Variants in PRKN observed in about 807,000 individuals in gnomAD.
PRKN encodes the protein parkin RBR E3 ubiquitin protein ligase.
A neutral mutation model predicts 59.5 loss-of-function variants in PRKN; 56 were observed. That is an observed-to-expected ratio of 0.94 (90% CI 0.76 to 1.18). The LOEUF (loss-of-function observed/expected upper bound fraction) is 1.18, where lower values mean the gene tolerates loss of function less well. Ranked by LOEUF, PRKN falls within the 50% of genes most tolerant of loss-of-function variation. PRKN has a pLI of 0.00. For missense variants in PRKN, 657 were observed against 596.4 expected, an observed-to-expected ratio of 1.10 and a Z score of -1.06; for synonymous variants, 250 against 222.1, an observed-to-expected ratio of 1.13 and a Z score of -1.12.
chr6:162,361,277 A>C (rs1036670307), intron 2 of PRKN, among the ~76,000 whole-genome samples: 26 of 152,284 alleles, frequency 1.7e-4, no homozygotes, highest in Non-Finnish European at 3.7e-4. Context: ...TTCTCAAAAA[A>C]TTCATATGTT....
rs764707366 is a variant in PRKN, at chr6:161,390,793, C to T, written c.1084-3916G>A. ...CATGAGCCACCGTGCCTGGCCAAGA[C>T]GTGATTATTTTTAAGAATAAAATAA... On this transcript the variant is annotated intron_variant, in intron 9 of 11. Transcript: ENST00000366898. This position sits in a 1 kb window ranked among gnomAD's most constrained non-coding sequence, Gnocchi z 7.0. Among the ~76,000 whole-genome samples, 3 of 152,094 alleles carry T rather than the reference C, an allele frequency of 2.0e-5. No individual in the cohort carries two copies. Among genetic ancestry groups the T allele is most frequent in the Non-Finnish European group, 2.9e-5 (2 of 68,026 alleles).
intron 4 of PRKN, among the ~76,000 whole-genome samples, chr6:162,165,558 C>T (rs1782938806): frequency 6.7e-6 from 1 of 149,386 alleles, no homozygotes; most frequent in Non-Finnish European, 1.5e-5. Context: ...CGTAAGAAAG[C>T]ACATAACATT....
In PRKN at chr6:161,355,276, T is replaced by G. The variant is rs115617560; in HGVS notation, c.1285+4812A>C. Among the ~76,000 whole-genome samples the G allele has an allele frequency of 7.2e-3, 1,104 of 152,390 alleles. 19 individuals are homozygous for G. The highest frequency in any genetic ancestry group is 0.025 in the African/African-American group (1,042 of 41,598). On this transcript the variant is annotated intron_variant, in intron 11 of 11. Coordinates refer to ENST00000366898, the MANE Select transcript of PRKN (RefSeq NM_004562.3). The surrounding 1 kb of genome is among the most constrained non-coding windows in gnomAD (Gnocchi z 6.8). Reference sequence around the variant, plus strand: ...TTCAATTCTTGGCTGGTATCATCTCTTCCAGGAAGCCTCCTCCTCCGGGTC... The same window carrying G: ...TTCAATTCTTGGCTGGTATCATCTCGTCCAGGAAGCCTCCTCCTCCGGGTC...
chr6:161,840,946 G>C (rs911461364), intron 6 of PRKN, among the ~76,000 whole-genome samples: 2 of 152,058 alleles, frequency 1.3e-5, no homozygotes, highest in African/African-American at 4.8e-5. Flanking sequence ...TGGAGAAAAA[G>C]GAATGCTTAT....
At chr6:162,479,681 G>C (rs1395385505) in intron 1 of PRKN, among the ~76,000 whole-genome samples, 2 of 151,916 alleles carry the variant, frequency 1.3e-5, no homozygotes, top group African/African-American at 4.8e-5. Flanking sequence ...ACATAGAGCT[G>C]TCATCTCCTG....
intron 7 of PRKN, among the ~76,000 whole-genome samples, chr6:161,639,087 C>A (rs1400156067): frequency 1.3e-5 from 2 of 152,150 alleles, no homozygotes; most frequent in Non-Finnish European, 2.9e-5. Context: ...CTCCTTGCTG[C>A]CGCCATGTGA....
chr6:162,101,426 T>A (rs1238989395), intron 4 of PRKN, among the ~76,000 whole-genome samples: 1 of 151,686 alleles, frequency 6.6e-6, no homozygotes, highest in East Asian at 2.0e-4. Context: ...CCCAGCACTT[T>A]GGGAGGCCGA....
intron 9 of PRKN, among the ~76,000 whole-genome samples, chr6:161,495,676 T>G (rs144270223): frequency 1.3e-5 from 2 of 152,264 alleles, no homozygotes; most frequent in South Asian, 2.1e-4. Flanking sequence ...TCTGTTTCCT[T>G]ACCACAGAGC....
chr6:162,371,409 G>T (rs1583454767), intron 2 of PRKN, among the ~76,000 whole-genome samples: 2 of 152,176 alleles, frequency 1.3e-5, no homozygotes, highest in South Asian at 4.2e-4. Context: ...ACACACACAG[G>T]ACTCTTCCTA....
At chr6:161,733,293 TGAGTAA>T (rs1787799626) in intron 7 of PRKN, among the ~76,000 whole-genome samples, 1 of 152,164 alleles carries the variant, frequency 6.6e-6, no homozygotes, top group Non-Finnish European at 1.5e-5. Flanking sequence ...TTAAAAGAAC[TGAGTAA>T]GATAATCTCA....
At chr6:162,579,814 G>A (rs990256269) in intron 1 of PRKN, among the ~76,000 whole-genome samples, 1 of 152,118 alleles carries the variant, frequency 6.6e-6, no homozygotes, top group Admixed American at 6.5e-5. Flanking sequence ...CACAATTATT[G>A]GGCTTATATT....
In PRKN at chr6:161,409,636, C is replaced by T. The variant is rs909059179; in HGVS notation, c.1084-22759G>A. On this transcript the variant is annotated intron_variant, in intron 9 of 11. Coordinates refer to ENST00000366898, the MANE Select transcript of PRKN (RefSeq NM_004562.3). This position sits in a 1 kb window ranked among gnomAD's most constrained non-coding sequence, Gnocchi z 4.6. ...ACTATAAAAATGAAAGCAAGCCCAA[C>T]CTTGGTGTGATGTTTTGCAATAAAC... is the stretch of plus-strand genomic sequence containing the variant. Among the ~76,000 whole-genome samples the T allele has an allele frequency of 1.3e-5, 2 of 152,140 alleles. No individual in the cohort carries two copies. Among genetic ancestry groups the T allele is most frequent in the African/African-American group, 2.4e-5 (1 of 41,410 alleles).
intron 4 of PRKN, among the ~76,000 whole-genome samples, chr6:162,185,501 C>T (rs772211826): frequency 1.6e-4 from 25 of 152,078 alleles, no homozygotes; most frequent in Non-Finnish European, 2.4e-4. Context: ...ACAGGAAGGA[C>T]AAGAGTTTAG....
At chr6:162,083,269 A>G (rs1369522267) in intron 4 of PRKN, among the ~76,000 whole-genome samples, 1 of 152,108 alleles carries the variant, frequency 6.6e-6, no homozygotes, top group African/African-American at 2.4e-5. Context: ...TCACTCTAAC[A>G]GATTAATAAT....
At chr6:161,786,621 T>C (rs899976049) in intron 6 of PRKN, among the ~76,000 whole-genome samples, 37 of 152,128 alleles carry the variant, frequency 2.4e-4, no homozygotes, top group Admixed American at 1.8e-3. Flanking sequence ...GTAATTTAAT[T>C]ATAACTATGT....
At chr6:162,359,422 A>G (rs1785036534) in intron 2 of PRKN, among the ~76,000 whole-genome samples, 1 of 152,088 alleles carries the variant, frequency 6.6e-6, no homozygotes, top group Non-Finnish European at 1.5e-5. Context: ...CCAAAGTCTT[A>G]GTAATGGAAT....
At chr6:161,857,959 C>G (rs1166724503) in intron 6 of PRKN, among the ~76,000 whole-genome samples, 1 of 152,172 alleles carries the variant, frequency 6.6e-6, no homozygotes, top group African/African-American at 2.4e-5. Context: ...CCAATTATCA[C>G]GTTGGTGCAA....
Position 162,011,517 on chromosome 6 carries a change from TTA to T in PRKN, c.619-38102_619-38101del, listed in dbSNP as rs200434101. On this transcript the variant is annotated intron_variant, in intron 5 of 11. Coordinates refer to ENST00000366898, the MANE Select transcript of PRKN (RefSeq NM_004562.3). ...ATAATATATATTTATTATATATATA[TTA>T]TATATATATATAAAACTTTCCAGAC... is the stretch of plus-strand genomic sequence containing the variant. Among the ~76,000 whole-genome samples, 143 of 94,960 alleles carry T rather than the reference TTA, an allele frequency of 1.5e-3. 29 individuals are homozygous for T. The highest frequency in any genetic ancestry group is 5.2e-3 in the African/African-American group (134 of 25,598). The allele number at this position is 94,960 out of a possible 152,430, so 62.3% of individuals were successfully genotyped here.
intron 2 of PRKN, among the ~76,000 whole-genome samples, chr6:162,295,959 C>T (rs965993270): frequency 6.6e-6 from 1 of 152,076 alleles, no homozygotes; most frequent in African/African-American, 2.4e-5. Flanking sequence ...TTCGGATGTT[C>T]CCAAGGCCAC....
Sources: allele counts gnomAD v4.1 joint callset (sites outside exome capture counted in the v4.1 genomes callset), GRCh38; gene constraint gnomAD v4.1.1; non-coding constraint Gnocchi (gnomAD v3.1); transcripts MANE v1.5; gene names NCBI Gene and HGNC (gene_info 2026-07-23, HGNC 2026-07-21).